Variants in DNAH9 observed in about 807,000 individuals in gnomAD.
DNAH9 encodes DNAH9 variant protein.
A neutral mutation model predicts 471.6 loss-of-function variants in DNAH9; 345 were observed. The observed-to-expected ratio is 0.73, with a 90% CI of 0.67 to 0.80. The LOEUF is 0.80. Ranked by LOEUF, DNAH9 falls within the 30% of genes least tolerant of loss-of-function variation. DNAH9 has a pLI of 0.00. For missense variants in DNAH9, 5,407 were observed against 5,609.2 expected (o/e 0.96, Z 1.15); for synonymous variants, 2,093 against 2,123.6 (o/e 0.99, Z 0.40).
intron 61 of DNAH9, among the ~76,000 whole-genome samples, chr17:11,907,385 G>A (rs956131313): frequency 2.4e-4 from 36 of 151,742 alleles, no homozygotes; most frequent in African/African-American, 7.7e-4. Flanking sequence ...CAGGAGAATC[G>A]CTTGAACCCA....
rs576929136 is a variant in DNAH9 at position 11,698,843 on chromosome 17, A to G, written c.4873-888A>G. Reference sequence around the variant, plus strand: ...ACTGTAGAGGACCTCTACTCCTCAGATGCCATGGCTGGGAGCAGCCCGGCA... The same window carrying G: ...ACTGTAGAGGACCTCTACTCCTCAGGTGCCATGGCTGGGAGCAGCCCGGCA... On this transcript the variant is annotated intron_variant, in intron 22 of 68. Transcript: ENST00000262442. 2.0e-5 allele frequency among the ~76,000 whole-genome samples: 3 copies of G among 152,198 alleles called. No homozygotes were observed. The South Asian group carries it at 6.2e-4, about 32-fold the overall frequency.
At chr17:11,940,502 C>G (rs1974870144) in intron 66 of DNAH9, among the ~76,000 whole-genome samples, 1 of 152,198 alleles carries the variant, frequency 6.6e-6, no homozygotes. Context: ...TTGTCTTCTA[C>G]CCCAGCAGCT....
At chr17:11,818,016 T>C (rs778040883) in intron 45 of DNAH9, among the ~76,000 whole-genome samples, 10 of 152,206 alleles carry the variant, frequency 6.6e-5, no homozygotes, top group African/African-American at 1.9e-4. Context: ...TTCCTCCAGA[T>C]ACAGTAGTTC....
chr17:11,840,706 G>A (rs1006651094), intron 49 of DNAH9, among the ~76,000 whole-genome samples: 5 of 152,186 alleles, frequency 3.3e-5, no homozygotes, highest in African/African-American at 1.2e-4. Context: ...GTAATCACAA[G>A]GGTCCATAGA....
Position 11,699,803 on chromosome 17 carries a change from C to A in DNAH9, c.4945C>A (p.Pro1649Thr). 3 of 1,614,184 alleles carry A rather than the reference C, an allele frequency of 1.9e-6. No homozygotes were observed. The highest frequency in any genetic ancestry group is 2.5e-6 in the Non-Finnish European group (3 of 1,179,998). Residue 1649 changes from proline to threonine, a missense_variant, in exon 23 of 69, where the codon CCA (proline) becomes ACA (threonine). Transcript: ENST00000262442. ...MRFQLDASGE[P>T]TKTSLGMYSK... ...ATTCCAGCTAGATGCCAGTGGGGAA[C>A]CAACCAAGACAAGCCTCGGCATGTA...
chr17:11,628,333 G>A lies in DNAH9; in HGVS notation c.1351-1084G>A, dbSNP rs564953365. On this transcript the variant is annotated intron_variant, in intron 6 of 68. Coordinates refer to ENST00000262442, the MANE Select transcript of DNAH9 (RefSeq NM_001372.4). ...CTCCCCAAGGCTTCTGGGTTGCGCC[G>A]TCCACCTGTCATTGGATCTCAAGCA... is the stretch of plus-strand genomic sequence containing the variant. Among the ~76,000 whole-genome samples, 8 of 152,286 alleles carry A rather than the reference G, an allele frequency of 5.3e-5. No individual in the cohort carries two copies. In the South Asian group the frequency reaches 1.0e-3, roughly 20 times the overall value.
At chr17:11,945,770 C>T (rs1038724462) in intron 67 of DNAH9, among the ~76,000 whole-genome samples, 15 of 151,888 alleles carry the variant, frequency 9.9e-5, no homozygotes, top group Non-Finnish European at 1.8e-4. Flanking sequence ...GAGAAAGCTG[C>T]ACTTGTGGCC....
chr17:11,769,174 G>T lies in DNAH9; in HGVS notation c.7397G>T (p.Arg2466Leu). The change falls in exon 38 of 69, where the codon CGG becomes CTG. Residue 2466 changes from arginine (R) to leucine (L), a missense_variant. Physicochemically the swap from Arg to Leu is moderately radical, Grantham distance 102 (BLOSUM62 -2). Transcript: ENST00000262442. ...ATCCGTGTGTGCTACTTCATGGAGC[G>T]GTTGATGGCGCGGCAGCGGCCTGTC... ...ETIRVCYFME[R>L]LMARQRPVML... is the part of the protein sequence containing the mutation. 6.2e-7 allele frequency: 1 copy of T among 1,614,230 alleles called. No homozygotes were observed. The highest frequency in any genetic ancestry group is 8.5e-7 in the Non-Finnish European group (1 of 1,180,038).
intron 1 of DNAH9, among the ~76,000 whole-genome samples, chr17:11,606,376 C>G (rs1412082581): frequency 6.6e-6 from 1 of 151,804 alleles, no homozygotes; most frequent in South Asian, 2.1e-4. Context: ...CTCCTTCCAT[C>G]ACTTGTGAGA....
intron 49 of DNAH9, among the ~76,000 whole-genome samples, chr17:11,845,884 T>C (rs1485464352): frequency 6.8e-6 from 1 of 146,406 alleles, no homozygotes; most frequent in Non-Finnish European, 1.5e-5. Flanking sequence ...TTGAGTTCAT[T>C]GTAGATTCTG....
intron 26 of DNAH9, among the ~76,000 whole-genome samples, chr17:11,718,738 C>T (rs1283803932): frequency 6.6e-6 from 1 of 152,202 alleles, no homozygotes; most frequent in Admixed American, 6.5e-5. Context: ...GCCCTACCTT[C>T]ATGAACCCTA....
Position 11,652,991 on chromosome 17 carries a change from GC to G in DNAH9, c.2587del (p.Val864PhefsTer29). 6.2e-7 allele frequency: 1 copy of G among 1,613,702 alleles called. No homozygotes were observed. Among genetic ancestry groups the G allele is most frequent in the Non-Finnish European group, 8.5e-7 (1 of 1,179,976 alleles). On this transcript the variant is annotated frameshift_variant, in exon 14 of 69. Coordinates refer to ENST00000262442, the MANE Select transcript of DNAH9 (RefSeq NM_001372.4). LOFTEE classifies it high-confidence loss of function. ...CAAGGAATCTGGCCTTAAGATCCAC[GC>G]CCTTGTTCAGGTAATAACCCAGCCA... is the stretch of plus-strand genomic sequence containing the variant. The part of the protein sequence containing the change: ...LIKESGLKIH[A>X]LVQENLGLFS...
chr17:11,704,134 T>A, intron 24 of DNAH9, 69 bp from the exon 25 acceptor site: 1 of 1,580,202 alleles, frequency 6.3e-7, no homozygotes, highest in Non-Finnish European at 8.6e-7. Flanking sequence ...GAGCCCTTGC[T>A]GTGTGATGAG....
At chr17:11,835,229 A>G (rs1034585211) in intron 49 of DNAH9, among the ~76,000 whole-genome samples, 1 of 152,198 alleles carries the variant, frequency 6.6e-6, no homozygotes, top group African/African-American at 2.4e-5. Context: ...ATATTAGAGC[A>G]GAGACTTGAA....
intron 48 of DNAH9, among the ~76,000 whole-genome samples, chr17:11,827,124 C>T (rs1356128917): frequency 6.6e-6 from 1 of 151,886 alleles, no homozygotes; most frequent in Admixed American, 6.6e-5. Context: ...CATGCCTGGC[C>T]GAGTCCCTAC....
intron 59 of DNAH9, among the ~76,000 whole-genome samples, chr17:11,898,749 A>G (rs925693065): frequency 6.6e-6 from 1 of 152,192 alleles, no homozygotes; most frequent in African/African-American, 2.4e-5. Flanking sequence ...GTATTACCCC[A>G]CAAAGCCCTC....
chr17:11,890,644 G>C (rs781408958), intron 57 of DNAH9, among the ~76,000 whole-genome samples: 1 of 152,068 alleles, frequency 6.6e-6, no homozygotes, highest in Admixed American at 6.6e-5. Context: ...TTATATCTTG[G>C]CTTGTATTTT....
At chr17:11,860,753 G>A (rs1322391004) in intron 50 of DNAH9, among the ~76,000 whole-genome samples, 1 of 152,122 alleles carries the variant, frequency 6.6e-6, no homozygotes, top group East Asian at 1.9e-4. Flanking sequence ...TAGAGATGAG[G>A]TTTTTCCATG....
rs763507183 is a variant in DNAH9 at position 11,937,574 on chromosome 17, T to C, written c.12660+52T>C. ...TCGTTCTGGGGGACCCCGAGGATCA[T>C]AGATGCACACCTTTCTCCTGCTGGC... On this transcript the variant is annotated intron_variant, in intron 66 of 68. Transcript: ENST00000262442. The surrounding 1 kb of genome is among the most constrained non-coding windows in gnomAD (Gnocchi z 4.1). 6.0e-5 allele frequency: 93 copies of C among 1,551,576 alleles called. No individual in the cohort carries two copies. Among genetic ancestry groups the C allele is most frequent in the Admixed American group, 2.0e-4 (11 of 53,698 alleles).
Sources: allele counts gnomAD v4.1 joint callset (sites outside exome capture counted in the v4.1 genomes callset), GRCh38; gene constraint gnomAD v4.1.1; non-coding constraint Gnocchi (gnomAD v3.1); transcripts MANE v1.5; gene names NCBI Gene and HGNC (gene_info 2026-07-23, HGNC 2026-07-21).